HSF2BP: variants seen among roughly 807,000 people sequenced by gnomAD.
HSF2BP encodes the protein heat shock factor 2-binding protein.
In HSF2BP, 35 loss-of-function variants were observed where a neutral mutation model predicts 35.0. That is an observed-to-expected ratio of 1.00 (90% CI 0.76 to 1.32). The LOEUF (loss-of-function observed/expected upper bound fraction) is 1.32. HSF2BP is among the 40% of genes most tolerant of loss of function. The pLI, the probability that HSF2BP is intolerant of heterozygous loss-of-function variation, is 0.00. For missense variants in HSF2BP, 326 were observed against 321.7 expected, an observed-to-expected ratio of 1.01 and a Z score of -0.10; for synonymous variants, 114 against 117.4, an observed-to-expected ratio of 0.97 and a Z score of 0.18.
intron 4 of HSF2BP, among the ~76,000 whole-genome samples, chr21:43,638,263 G>C (rs948288191): frequency 6.6e-6 from 1 of 152,098 alleles, no homozygotes; most frequent in Non-Finnish European, 1.5e-5. Context: ...TTCGAGACCA[G>C]CCTGGCCAAC....
chr21:43,593,600 A>G (rs2081952558), intron 7 of HSF2BP, among the ~76,000 whole-genome samples: 1 of 152,224 alleles, frequency 6.6e-6, no homozygotes, highest in Non-Finnish European at 1.5e-5. Flanking sequence ...AAGAAATTAA[A>G]AACATAATCA....
rs143700236 is a variant in HSF2BP at position 43,593,058 on chromosome 21, C to T, written c.693-730G>A. 2.6e-5 allele frequency among the ~76,000 whole-genome samples: 4 copies of T among 152,242 alleles called. No homozygotes were observed. The East Asian group carries it at 7.7e-4, about 29-fold the overall frequency. On this transcript the variant is annotated intron_variant, in intron 7 of 8. Transcript: ENST00000291560. ...AATAATGAATGAATTTGCAAGAAAT[C>T]AAAGGAAAACATCTCTGATCAGGAA...
At chr21:43,649,733 T>C (rs2082757593) in intron 3 of HSF2BP, among the ~76,000 whole-genome samples, 1 of 152,244 alleles carries the variant, frequency 6.6e-6, no homozygotes, top group South Asian at 2.1e-4. Flanking sequence ...GCATAATGCA[T>C]GAAAAGTGTT....
At chr21:43,588,912 C>G (rs2081891739) in intron 8 of HSF2BP, among the ~76,000 whole-genome samples, 1 of 152,204 alleles carries the variant, frequency 6.6e-6, no homozygotes, top group South Asian at 2.1e-4. Flanking sequence ...CCCCCTGGAC[C>G]TGCCCTCAAA....
intron 7 of HSF2BP, among the ~76,000 whole-genome samples, chr21:43,600,200 C>A (rs2082035302): frequency 6.6e-6 from 1 of 152,148 alleles, no homozygotes; most frequent in Admixed American, 6.5e-5. Context: ...AACTGAGTCA[C>A]TAAAGGTAAA....
intron 3 of HSF2BP, among the ~76,000 whole-genome samples, chr21:43,648,404 G>A (rs1169267351): frequency 6.6e-6 from 1 of 152,202 alleles, no homozygotes. Context: ...CATCTTGTCT[G>A]GAGCAACGCC....
At chr21:43,615,703 C>T (rs897419347) in intron 6 of HSF2BP, among the ~76,000 whole-genome samples, 1 of 152,076 alleles carries the variant, frequency 6.6e-6, no homozygotes, top group African/African-American at 2.4e-5. Flanking sequence ...TGAATTTTAA[C>T]CTGATAGGTA....
At chr21:43,582,258 GT>G in intron 8 of HSF2BP, among the ~76,000 whole-genome samples, 1 of 133,234 alleles carries the variant, frequency 7.5e-6, no homozygotes, top group East Asian at 2.3e-4. Flanking sequence ...AGGGAGATGA[GT>G]GCCTGCTGAG....
chr21:43,658,882 C>T lies in HSF2BP; in HGVS notation c.-225+504G>A, dbSNP rs191217682. 3.3e-5 allele frequency among the ~76,000 whole-genome samples: 5 copies of T among 152,334 alleles called. No individual in the cohort carries two copies. The East Asian group carries it at 9.7e-4, about 29-fold the overall frequency. ...CCACCCGCTCAACAGGCCCCAGTGC[C>T]GGCCTTTCCTTCCAGTCTCAACTCC... On this transcript the variant is annotated intron_variant, in intron 1 of 8. Coordinates refer to ENST00000291560, the MANE Select transcript of HSF2BP (RefSeq NM_007031.2).
chr21:43,653,563 T>C (rs1432202428), intron 3 of HSF2BP, among the ~76,000 whole-genome samples: 6 of 152,218 alleles, frequency 3.9e-5, no homozygotes, highest in Non-Finnish European at 8.8e-5. Context: ...CCCAATAATA[T>C]AAAGCCTTTT....
At position 43,629,771 on chromosome 21, in the gene HSF2BP, A is replaced by G. The variant is rs576747936; in HGVS notation, c.574+551T>C. 2.4e-4 allele frequency among the ~76,000 whole-genome samples: 37 copies of G among 152,372 alleles called. 1 individual carries two copies. In the South Asian group the frequency reaches 7.7e-3, roughly 32 times the overall value. On this transcript the variant is annotated intron_variant, in intron 6 of 8. Coordinates refer to ENST00000291560, the MANE Select transcript of HSF2BP (RefSeq NM_007031.2). ...ATCTACTCTTGGTGAAGATGCTAAG[A>G]CATTGTTGAAATAAGAACAAGAGAT...
chr21:43,589,817 AC>A (rs1255750866), intron 8 of HSF2BP, among the ~76,000 whole-genome samples: 3 of 152,224 alleles, frequency 2.0e-5, no homozygotes, highest in East Asian at 1.9e-4. Flanking sequence ...ATGCAAAAAA[AC>A]AAAGCAAACG....
chr21:43,627,966 G>A (rs765524548), intron 6 of HSF2BP, among the ~76,000 whole-genome samples: 2 of 151,880 alleles, frequency 1.3e-5, no homozygotes, highest in Non-Finnish European at 1.5e-5. Flanking sequence ...ATTGTTTTAG[G>A]GCACCATGAG....
chr21:43,657,833 G>A (rs545088538), intron 2 of HSF2BP: 114 of 985,250 alleles, frequency 1.2e-4, no homozygotes, highest in Non-Finnish European at 1.4e-4. Flanking sequence ...CCCCCACCAC[G>A]CGCAGCCTCA....
chr21:43,623,585 T>C (rs1192397046), intron 6 of HSF2BP, among the ~76,000 whole-genome samples: 1 of 152,168 alleles, frequency 6.6e-6, no homozygotes, highest in African/African-American at 2.4e-5. Flanking sequence ...GACACTCCCA[T>C]ACCAAAGCCT....
intron 6 of HSF2BP, among the ~76,000 whole-genome samples, chr21:43,614,997 G>C (rs1279455873): frequency 6.6e-6 from 1 of 152,186 alleles, no homozygotes; most frequent in African/African-American, 2.4e-5. Context: ...CTGCGAATCG[G>C]CCTGAAGACC....
intron 6 of HSF2BP, among the ~76,000 whole-genome samples, chr21:43,624,981 G>A (rs1285987275): frequency 1.3e-5 from 2 of 152,108 alleles, no homozygotes; most frequent in Non-Finnish European, 1.5e-5. Context: ...CCTTACAGAT[G>A]TCCAGAGAAC....
In HSF2BP at chr21:43,636,247, A is replaced by C. The variant is rs935601493; in HGVS notation, c.292-2826T>G. Among the ~76,000 whole-genome samples, 5 of 149,110 alleles carry C rather than the reference A, an allele frequency of 3.4e-5. No individual in the cohort carries two copies. In the East Asian group the frequency reaches 9.8e-4, roughly 29 times the overall value. Reference sequence around the variant, plus strand: ...AGAAAAGAAAAGAAAAGAAAAGAAAAGAAAAGAAAAGAAAAGAAAAGAAAA... The same window carrying C: ...AGAAAAGAAAAGAAAAGAAAAGAAACGAAAAGAAAAGAAAAGAAAAGAAAA... On this transcript the variant is annotated intron_variant, in intron 4 of 8. Transcript: ENST00000291560.
At chr21:43,640,618 G>T (rs2082623185) in intron 4 of HSF2BP, among the ~76,000 whole-genome samples, 1 of 152,196 alleles carries the variant, frequency 6.6e-6, no homozygotes, top group Non-Finnish European at 1.5e-5. Context: ...GTTGTTAATT[G>T]TACCAATTCC....
Sources: gnomAD v4.1 joint callset for allele counts (sites outside exome capture counted in the v4.1 genomes callset) on GRCh38, gnomAD v4.1.1 for gene constraint, MANE v1.5 for transcripts, NCBI Gene and HGNC (gene_info 2026-07-23, HGNC 2026-07-21) for gene names.